ACSM6: variants seen among roughly 807,000 people sequenced by gnomAD.
ACSM6 encodes acyl-coenzyme A synthetase ACSM6, mitochondrial.
Under a neutral mutation model 51.1 loss-of-function variants are expected in ACSM6, and 35 were observed. The ratio of observed to expected loss-of-function variants is 0.69; its 90% CI spans 0.52 to 0.91. ACSM6 has a LOEUF of 0.91. Ranked by LOEUF, ACSM6 falls within the 40% of genes least tolerant of loss-of-function variation. The pLI is 0.00. For synonymous variants in ACSM6, 172 were observed against 207.3 expected (o/e 0.83, Z 1.46); for missense variants, 509 against 584.1 (o/e 0.87, Z 1.32).
At chr10:95,212,393 T>G (rs1589495207) in intron 6 of ACSM6, among the ~76,000 whole-genome samples, 2 of 152,340 alleles carry the variant, frequency 1.3e-5, no homozygotes, top group East Asian at 3.9e-4. Context: ...CTGGGGAAAC[T>G]GATTCTCACA....
At chr10:95,213,060 T>C (rs1166316019) in intron 7 of ACSM6, 120 bp downstream of exon 7, 1 of 778,074 alleles carries the variant, frequency 1.3e-6, no homozygotes, top group Non-Finnish European at 2.1e-6. Context: ...ACTTGTCTTG[T>C]TGCCATTCAT....
exon 11 of ACSM6, chr10:95,228,710 A>G: frequency 1.9e-6 from 3 of 1,551,894 alleles, no homozygotes; most frequent in Admixed American, 3.9e-5. Context: ...CAGAGGGATC[A>G]TGGATGAAGA....
At chr10:95,211,736 G>A in intron 5 of ACSM6, 142 bp from the exon 6 acceptor site, 1 of 844,272 alleles carries the variant, frequency 1.2e-6, no homozygotes, top group Non-Finnish European at 1.8e-6. Context: ...TTGGCCTCAT[G>A]ACCTCATAAA....
exon 4 of ACSM6, chr10:95,207,288 A>C: frequency 2.5e-6 from 4 of 1,614,202 alleles, no homozygotes; most frequent in Non-Finnish European, 3.4e-6. Flanking sequence ...GGCCCAGTGC[A>C]TTGTGGCTAA....
intron 2 of ACSM6, among the ~76,000 whole-genome samples, chr10:95,196,444 C>G (rs2034725252): frequency 6.6e-6 from 1 of 152,252 alleles, no homozygotes; most frequent in Non-Finnish European, 1.5e-5. Flanking sequence ...CTTTACAAAT[C>G]ATCTGCTCCA....
intron 2 of ACSM6, among the ~76,000 whole-genome samples, chr10:95,197,103 T>C (rs2034734021): frequency 6.6e-6 from 1 of 152,206 alleles, no homozygotes; most frequent in African/African-American, 2.4e-5. Flanking sequence ...TGGCATCGTG[T>C]GGTAGGGTGT....
At chr10:95,198,744 T>G (rs1026386343) in intron 2 of ACSM6, among the ~76,000 whole-genome samples, 2 of 151,556 alleles carry the variant, frequency 1.3e-5, no homozygotes, top group African/African-American at 4.9e-5. Flanking sequence ...GACAAGAAAA[T>G]AAAAATTAAT....
At chr10:95,199,607 C>T (rs2034771357) in intron 2 of ACSM6, among the ~76,000 whole-genome samples, 1 of 152,090 alleles carries the variant, frequency 6.6e-6, no homozygotes, top group Non-Finnish European at 1.5e-5. Flanking sequence ...ACTCATCTGA[C>T]AAAGGGCTAA....
At chr10:95,217,655 C>T (rs188132952) in intron 8 of ACSM6, among the ~76,000 whole-genome samples, 2 of 152,220 alleles carry the variant, frequency 1.3e-5, no homozygotes, top group Non-Finnish European at 2.9e-5. Flanking sequence ...TTCTGTCATA[C>T]GTCCAAAAAA....
In ACSM6 at chr10:95,211,836, C is replaced by A. The variant is rs756859008; in HGVS notation, c.756-42C>A. 9.1e-6 allele frequency: 14 copies of A among 1,543,774 alleles called. No individual in the cohort carries two copies. The South Asian group carries it at 1.8e-4, about 20-fold the overall frequency. ...GCAAGTATTATTGTTGTTGCTAGTACCAGCACGAGAGAATTCAAATGGCTT... is the reference window on the plus strand; with the variant it reads ...GCAAGTATTATTGTTGTTGCTAGTAACAGCACGAGAGAATTCAAATGGCTT... On this transcript the variant is annotated intron_variant, in intron 5 of 10. Transcript: ENST00000341686.
At chr10:95,199,815 G>C (rs1056192805) in intron 2 of ACSM6, among the ~76,000 whole-genome samples, 23 of 152,158 alleles carry the variant, frequency 1.5e-4, no homozygotes, top group African/African-American at 3.9e-4. Context: ...CCATCTCACA[G>C]CAGTTAGAAT....
chr10:95,198,165 T>C (rs2034754946), intron 2 of ACSM6, among the ~76,000 whole-genome samples: 1 of 152,138 alleles, frequency 6.6e-6, no homozygotes, highest in African/African-American at 2.4e-5. Context: ...GAGTCTCTTA[T>C]GTCCTCCCTT....
chr10:95,214,835 T>C lies in ACSM6; in HGVS notation c.996-17T>C. 1.3e-6 allele frequency: 2 copies of C among 1,550,602 alleles called. No homozygotes were observed. The highest frequency in any genetic ancestry group is 1.7e-6 in the Non-Finnish European group (2 of 1,146,630). On this transcript the variant is annotated splice_polypyrimidine_tract_variant and intron_variant, in intron 7 of 10. Coordinates refer to ENST00000341686, the Ensembl canonical transcript of ACSM6. Reference sequence around the variant, plus strand: ...AATATTCCCTGAGGCTAAGAACAACTTTTGATGCCTCTCCAGCTACAGATT... The same window carrying C: ...AATATTCCCTGAGGCTAAGAACAACCTTTGATGCCTCTCCAGCTACAGATT...
intron 2 of ACSM6, among the ~76,000 whole-genome samples, chr10:95,197,571 T>G (rs898865298): frequency 6.6e-6 from 1 of 152,168 alleles, no homozygotes; most frequent in Admixed American, 6.5e-5. Context: ...GAGTAAAGAA[T>G]AACAAGGAAG....
intron 2 of ACSM6, among the ~76,000 whole-genome samples, chr10:95,201,110 A>T (rs2034789909): frequency 6.6e-6 from 1 of 152,208 alleles, no homozygotes; most frequent in African/African-American, 2.4e-5. Flanking sequence ...CAGGAATAGA[A>T]TCCTATCCGC....
chr10:95,225,598 A>G, intron 10 of ACSM6: 1 of 433,960 alleles, frequency 2.3e-6, no homozygotes. Context: ...ATATTTGCAC[A>G]TTTTTGATGA....
exon 8 of ACSM6, chr10:95,214,943 G>A: frequency 6.4e-7 from 1 of 1,551,574 alleles, no homozygotes; most frequent in East Asian, 2.4e-5. Flanking sequence ...CACTAAGTTG[G>A]ACATCTATGA....
At chr10:95,202,001 C>A in exon 3 of ACSM6, 1 of 1,551,624 alleles carries the variant, frequency 6.4e-7, no homozygotes, top group Non-Finnish European at 8.7e-7. Context: ...CTCAGAGGGC[C>A]TTACCCCGCC....
intron 8 of ACSM6, among the ~76,000 whole-genome samples, 154 bp from the exon 9 acceptor site, chr10:95,219,737 C>T (rs1420103174): frequency 6.6e-6 from 1 of 152,048 alleles, no homozygotes; most frequent in Non-Finnish European, 1.5e-5. Context: ...AATTTAGTCA[C>T]ACTCCTGCTT....
Sources: allele counts gnomAD v4.1 joint callset (sites outside exome capture counted in the v4.1 genomes callset), GRCh38; gene constraint gnomAD v4.1.1; transcripts MANE v1.5; gene names NCBI Gene and HGNC (gene_info 2026-07-23, HGNC 2026-07-21).